RORA: variants seen among roughly 807,000 people sequenced by gnomAD.
The protein encoded by RORA is RAR related orphan receptor A, also known as nuclear receptor ROR-alpha.
A neutral mutation model predicts 69.5 loss-of-function variants in RORA; 7 were observed. That is an observed-to-expected ratio of 0.10 (90% CI 0.06 to 0.19). The LOEUF is 0.19. RORA is among the 10% of genes least tolerant of loss of function. The probability of loss-of-function intolerance (pLI) is 1.00; values close to 1 mark genes in which losing one functional copy is unlikely to be tolerated. For missense variants in RORA, 457 were observed against 663.0 expected (o/e 0.69, Z 3.41); for synonymous variants, 261 against 240.8 (o/e 1.08, Z -0.78).
chr15:60,500,823 A>C (rs1052104437), intron 9 of RORA, 136 bp downstream of exon 9: 17 of 505,266 alleles, frequency 3.4e-5, no homozygotes, highest in African/African-American at 3.2e-4. Flanking sequence ...GAAGACTTAA[A>C]ATCCAATTTA....
At chr15:60,500,402 T>C (rs2065294362) in intron 9 of RORA, among the ~76,000 whole-genome samples, 1 of 152,222 alleles carries the variant, frequency 6.6e-6, no homozygotes, top group African/African-American at 2.4e-5. Context: ...CTTGTAATCT[T>C]TGTCAACTAA....
At chr15:60,627,469 A>G in intron 2 of RORA, 1 of 1,569,264 alleles carries the variant, frequency 6.4e-7, no homozygotes, top group Non-Finnish European at 8.6e-7. Flanking sequence ...GATGGCTCCA[A>G]CAGCTGGGTG....
At chr15:60,889,966 T>G (rs1464382854) in intron 1 of RORA, among the ~76,000 whole-genome samples, 3 of 152,196 alleles carry the variant, frequency 2.0e-5, no homozygotes, top group African/African-American at 7.2e-5. Context: ...CAGCATCAAG[T>G]AATTTACCAA....
chr15:61,188,764 C>T (rs1450936331), intron 1 of RORA, among the ~76,000 whole-genome samples: 1 of 152,150 alleles, frequency 6.6e-6, no homozygotes, highest in African/African-American at 2.4e-5. Context: ...CCTCTTCTTC[C>T]TTTGATAGCA....
At chr15:60,863,996 G>A (rs7165926) in intron 1 of RORA, among the ~76,000 whole-genome samples, 63,783 of 151,858 alleles carry the variant, frequency 0.42, 13,830 homozygotes, top group East Asian at 0.62. Context: ...TAGTAGAGAG[G>A]GAATTTCACC....
At chr15:60,976,919 G>A (rs1893886703) in intron 1 of RORA, among the ~76,000 whole-genome samples, 1 of 152,242 alleles carries the variant, frequency 6.6e-6, no homozygotes. Context: ...TTTGTTATGA[G>A]TCTGTGCCTG....
intron 1 of RORA, among the ~76,000 whole-genome samples, chr15:60,893,809 T>C (rs1389549113): frequency 6.6e-6 from 1 of 152,130 alleles, no homozygotes; most frequent in East Asian, 1.9e-4. Flanking sequence ...AAAGGATCTT[T>C]AGAGGTCACC....
intron 2 of RORA, among the ~76,000 whole-genome samples, chr15:60,579,291 T>G (rs749223716): frequency 1.3e-5 from 2 of 152,172 alleles, no homozygotes; most frequent in Non-Finnish European, 2.9e-5. Context: ...TGAGAGGGCC[T>G]TGGGGCCCCG....
chr15:60,880,108 T>C (rs2073662386), intron 1 of RORA, among the ~76,000 whole-genome samples: 1 of 152,240 alleles, frequency 6.6e-6, no homozygotes, highest in African/African-American at 2.4e-5. Flanking sequence ...CCTCAGAGGC[T>C]GAAATTCTTT....
Position 61,041,467 on chromosome 15 carries a change from G to A in RORA, c.166+187586C>T, listed in dbSNP as rs551303780. On this transcript the variant is annotated intron_variant, in intron 1 of 10. Coordinates refer to ENST00000335670, the MANE Select transcript of RORA (RefSeq NM_134261.3). ...GTCGAGCATCCATTGACAACCAGGCGCCACACTAAACTCTTCATATTTTAT... is the reference window on the plus strand; with the variant it reads ...GTCGAGCATCCATTGACAACCAGGCACCACACTAAACTCTTCATATTTTAT... Among the ~76,000 whole-genome samples, 7 of 152,270 alleles carry A rather than the reference G, an allele frequency of 4.6e-5. No individual in the cohort carries two copies. The East Asian group carries it at 7.7e-4, about 17-fold the overall frequency.
chr15:60,550,529 G>A (rs763205461), intron 2 of RORA, among the ~76,000 whole-genome samples: 23 of 152,116 alleles, frequency 1.5e-4, no homozygotes, highest in Non-Finnish European at 3.1e-4. Flanking sequence ...ATCAATGAAA[G>A]TGTTACCAGT....
intron 1 of RORA, among the ~76,000 whole-genome samples, chr15:60,957,532 C>A (rs2414688): frequency 6.6e-6 from 1 of 152,228 alleles, no homozygotes; most frequent in Non-Finnish European, 1.5e-5. Flanking sequence ...GCTTATGGAA[C>A]ACCTAATATG....
At chr15:60,638,082 T>G (rs1306410254) in intron 2 of RORA, among the ~76,000 whole-genome samples, 1 of 152,118 alleles carries the variant, frequency 6.6e-6, no homozygotes, top group Non-Finnish European at 1.5e-5. Context: ...TTAGGTACCT[T>G]TTGGTTCATC....
At chr15:60,517,441 T>C (rs2066002109) in intron 3 of RORA, among the ~76,000 whole-genome samples, 1 of 149,272 alleles carries the variant, frequency 6.7e-6, no homozygotes, top group African/African-American at 2.6e-5. Context: ...CTCTCTCTTC[T>C]GAAAAATATC....
At chr15:60,574,991 G>C (rs1008889982) in intron 2 of RORA, among the ~76,000 whole-genome samples, 1 of 152,116 alleles carries the variant, frequency 6.6e-6, no homozygotes. Context: ...AGGAGAAGAA[G>C]AGGAGGTCTG....
chr15:60,814,935 A>G (rs994243427), intron 1 of RORA, among the ~76,000 whole-genome samples: 1 of 152,084 alleles, frequency 6.6e-6, no homozygotes, highest in Non-Finnish European at 1.5e-5. Flanking sequence ...GGGTTTCTCA[A>G]CCCTGTAGGT....
chr15:61,090,122 G>C (rs1217804317), intron 1 of RORA, among the ~76,000 whole-genome samples: 1 of 152,204 alleles, frequency 6.6e-6, no homozygotes, highest in African/African-American at 2.4e-5. Context: ...AAGGATGCAA[G>C]AGTTTTTCTC....
At chr15:60,964,804 T>G (rs1195749887) in intron 1 of RORA, among the ~76,000 whole-genome samples, 1 of 152,082 alleles carries the variant, frequency 6.6e-6, no homozygotes, top group East Asian at 1.9e-4. Flanking sequence ...GTTGCTGATG[T>G]GGGAGGAAAG....
At chr15:60,658,842 C>T (rs2070261335) in intron 2 of RORA, among the ~76,000 whole-genome samples, 1 of 152,094 alleles carries the variant, frequency 6.6e-6, no homozygotes, top group South Asian at 2.1e-4. Context: ...TGGAATTTCA[C>T]CTTAAAGTAG....
Sources: gnomAD v4.1 joint callset for allele counts (sites outside exome capture counted in the v4.1 genomes callset) on GRCh38, gnomAD v4.1.1 for gene constraint, MANE v1.5 for transcripts, NCBI Gene and HGNC (gene_info 2026-07-23, HGNC 2026-07-21) for gene names.